Variants in PRKN observed in about 807,000 individuals in gnomAD.
PRKN encodes E3 ubiquitin-protein ligase parkin.
In PRKN, 56 loss-of-function variants were observed where a neutral mutation model predicts 59.5. The observed-to-expected ratio is 0.94, with a 90% CI of 0.76 to 1.18. The LOEUF is 1.18. PRKN is among the 50% of genes most tolerant of loss of function. The pLI, the probability that PRKN is intolerant of heterozygous loss-of-function variation, is 0.00. For missense variants in PRKN, 657 were observed against 596.4 expected, an observed-to-expected ratio of 1.10 and a Z score of -1.06; for synonymous variants, 250 against 222.1, an observed-to-expected ratio of 1.13 and a Z score of -1.12.
chr6:162,413,933 G>A (rs913329124), intron 2 of PRKN, among the ~76,000 whole-genome samples: 9 of 152,162 alleles, frequency 5.9e-5, no homozygotes, highest in Non-Finnish European at 1.3e-4. Context: ...TGTAGTCCCA[G>A]CACTTTGGGA....
chr6:161,940,990 T>C (rs987503740), intron 6 of PRKN, among the ~76,000 whole-genome samples: 3 of 152,138 alleles, frequency 2.0e-5, no homozygotes, highest in Admixed American at 6.5e-5. Flanking sequence ...CAGGACAGAA[T>C]TGAAAGAGGC....
At chr6:162,002,139 C>T (rs1162568132) in intron 5 of PRKN, among the ~76,000 whole-genome samples, 2 of 151,892 alleles carry the variant, frequency 1.3e-5, no homozygotes, top group Non-Finnish European at 2.9e-5. Context: ...ATATCTTTCT[C>T]TGTTGTTTGT....
intron 2 of PRKN, among the ~76,000 whole-genome samples, chr6:162,304,546 T>TC (rs1562655174): frequency 3.4e-5 from 4 of 116,202 alleles, no homozygotes; most frequent in Admixed American, 1.6e-4. Flanking sequence ...TATCTATCTA[T>TC]TTATCCATCT....
intron 1 of PRKN, among the ~76,000 whole-genome samples, chr6:162,681,788 C>G (rs1779778652): frequency 6.6e-6 from 1 of 152,076 alleles, no homozygotes; most frequent in Non-Finnish European, 1.5e-5. Context: ...TGGGAAACCT[C>G]TAGGGGGTAT....
intron 2 of PRKN, among the ~76,000 whole-genome samples, chr6:162,399,087 A>G (rs1188548709): frequency 6.6e-6 from 1 of 152,212 alleles, no homozygotes; most frequent in African/African-American, 2.4e-5. Flanking sequence ...GGGGACGGAA[A>G]AACAGCATTT....
At chr6:162,004,486 T>C (rs369090210) in intron 5 of PRKN, among the ~76,000 whole-genome samples, 30 of 152,336 alleles carry the variant, frequency 2.0e-4, no homozygotes, top group Non-Finnish European at 3.1e-4. Context: ...CAGGCCACCA[T>C]AGACCTCTGA....
intron 6 of PRKN, among the ~76,000 whole-genome samples, chr6:161,947,151 C>G (rs1583389503): frequency 6.6e-6 from 1 of 151,456 alleles, no homozygotes; most frequent in East Asian, 1.9e-4. Context: ...AATATATAAG[C>G]TATATATATA....
At position 161,551,048 on chromosome 6, in the gene PRKN, T is replaced by A. The variant is rs143200551; in HGVS notation, c.934-2045A>T. On this transcript the variant is annotated intron_variant, in intron 8 of 11. Transcript: ENST00000366898. The surrounding 1 kb of genome is among the most constrained non-coding windows in gnomAD (Gnocchi z 5.2). ...CTTTACCAGAAAAGAGGTCTAAGAG[T>A]TCGGATGGCAAACAAACTAGAATCT... Among the ~76,000 whole-genome samples, 1 of 152,042 alleles carries A rather than the reference T, an allele frequency of 6.6e-6. No homozygotes were observed. Among genetic ancestry groups the A allele is most frequent in the East Asian group, 1.9e-4 (1 of 5,166 alleles).
At chr6:161,845,412 C>T (rs1196569030) in intron 6 of PRKN, among the ~76,000 whole-genome samples, 1 of 152,188 alleles carries the variant, frequency 6.6e-6, no homozygotes, top group Non-Finnish European at 1.5e-5. Flanking sequence ...TCCCAAAGAG[C>T]TGGTCATGAA....
intron 7 of PRKN, among the ~76,000 whole-genome samples, chr6:161,745,012 A>C (rs1788356048): frequency 6.6e-6 from 1 of 152,194 alleles, no homozygotes; most frequent in African/African-American, 2.4e-5. Flanking sequence ...AAGCTTTAAA[A>C]TGTGCCTATG....
intron 4 of PRKN, among the ~76,000 whole-genome samples, chr6:162,112,224 A>G (rs1780469623): frequency 6.6e-6 from 1 of 152,228 alleles, no homozygotes; most frequent in Admixed American, 6.5e-5. Context: ...ATCCAGCTTT[A>G]TGCTAAATAT....
At chr6:161,512,083 T>C (rs1307170980) in intron 9 of PRKN, among the ~76,000 whole-genome samples, 3 of 152,208 alleles carry the variant, frequency 2.0e-5, no homozygotes, top group Admixed American at 1.3e-4. Context: ...AGTAGCTTGA[T>C]GGGAATAAGA....
chr6:162,276,759 C>T lies in PRKN; in HGVS notation c.172-13994G>A, dbSNP rs563481319. On this transcript the variant is annotated intron_variant, in intron 2 of 11. Transcript: ENST00000366898. ...AGCACCTCTCTTAGATAATTGATAG[C>T]ATGTTATATACTTTTTTCGCTTAAT... Among the ~76,000 whole-genome samples, 79 of 151,500 alleles carry T rather than the reference C, an allele frequency of 5.2e-4. 3 individuals are homozygous for T. The South Asian group carries it at 0.016, about 31-fold the overall frequency.
At position 161,533,282 on chromosome 6, in the gene PRKN, G is replaced by A. The variant is rs1391792359; in HGVS notation, c.1083+15572C>T. Among the ~76,000 whole-genome samples the A allele has an allele frequency of 1.3e-5, 2 of 152,208 alleles. No homozygotes were observed. Among genetic ancestry groups the A allele is most frequent in the African/African-American group, 4.8e-5 (2 of 41,462 alleles). On this transcript the variant is annotated intron_variant, in intron 9 of 11. Transcript: ENST00000366898. The surrounding 1 kb of genome is among the most constrained non-coding windows in gnomAD (Gnocchi z 4.1). ...GAGTTGTAAAGAAATTACTTGGGCA[G>A]TGAGGGTATGGAAGTCCTCAGTAAG...
At chr6:161,408,183 G>T (rs1204111754) in intron 9 of PRKN, among the ~76,000 whole-genome samples, 2 of 152,044 alleles carry the variant, frequency 1.3e-5, no homozygotes, top group Non-Finnish European at 2.9e-5. Context: ...ATTCGGCCGT[G>T]GGAAAATTAT....
chr6:161,974,572 C>A (rs922213351), intron 5 of PRKN, among the ~76,000 whole-genome samples: 9 of 152,126 alleles, frequency 5.9e-5, no homozygotes, highest in African/African-American at 2.2e-4. Flanking sequence ...TGTTCACTCA[C>A]ACACCAAGGC....
intron 7 of PRKN, among the ~76,000 whole-genome samples, chr6:161,595,163 G>A (rs1781869251): frequency 6.6e-6 from 1 of 152,226 alleles, no homozygotes; most frequent in Non-Finnish European, 1.5e-5. Context: ...TTGTGTGTCA[G>A]ATAAAACAGC....
At chr6:162,363,797 G>C (rs1193461513) in intron 2 of PRKN, among the ~76,000 whole-genome samples, 1 of 152,136 alleles carries the variant, frequency 6.6e-6, no homozygotes, top group Non-Finnish European at 1.5e-5. Context: ...ACATCTTGCT[G>C]GACTTGCCAA....
intron 5 of PRKN, among the ~76,000 whole-genome samples, chr6:162,031,261 A>T (rs1384937820): frequency 6.6e-6 from 1 of 151,894 alleles, no homozygotes; most frequent in East Asian, 1.9e-4. Context: ...AATGATAACA[A>T]ATGGTGACAA....
Sources: allele counts gnomAD v4.1 joint callset (sites outside exome capture counted in the v4.1 genomes callset), GRCh38; gene constraint gnomAD v4.1.1; non-coding constraint Gnocchi (gnomAD v3.1); transcripts MANE v1.5; gene names NCBI Gene and HGNC (gene_info 2026-07-23, HGNC 2026-07-21).